The following MYO3B variants were observed in gnomAD, a reference collection of about 807,000 sequenced individuals.
The protein encoded by MYO3B is myosin IIIB, also known as myosin-IIIb.
A neutral mutation model predicts 174.6 loss-of-function variants in MYO3B; 156 were observed. That is an observed-to-expected ratio of 0.89 (90% confidence interval 0.78 to 1.02). MYO3B has a LOEUF of 1.02. Among genes scored for constraint, MYO3B ranks in the 50% least tolerant of loss-of-function variants. The pLI is 0.00. For missense variants in MYO3B, 1,632 were observed against 1,639.4 expected, an observed-to-expected ratio of 1.00 and a Z score of 0.08; for synonymous variants, 563 against 569.1, an observed-to-expected ratio of 0.99 and a Z score of 0.15.
At chr2:170,612,391 C>CT (rs1695178036) in intron 32 of MYO3B, among the ~76,000 whole-genome samples, 2 of 152,172 alleles carry the variant, frequency 1.3e-5, no homozygotes, top group Non-Finnish European at 2.9e-5. Flanking sequence ...CCTATGATTC[C>CT]TTTTTTTGTG....
In MYO3B at chr2:170,404,165, C is replaced by T; in HGVS notation, c.2278-82C>T. 3 of 1,402,680 alleles carry T rather than the reference C, an allele frequency of 2.1e-6. No individual in the cohort carries two copies. The South Asian group carries it at 4.3e-5, about 20-fold the overall frequency. The allele number at this position is 1,402,680 out of a possible 1,614,324, so 86.9% of individuals were successfully genotyped here. On this transcript the variant is annotated intron_variant, in intron 19 of 34. Transcript: ENST00000408978. ...TCCACATGCATTCAATGTTGCTAGA[C>T]CCAGAAAGTCCATGTCAAAGTATCC...
intron 32 of MYO3B, among the ~76,000 whole-genome samples, chr2:170,599,044 A>G (rs997001297): frequency 1.2e-4 from 18 of 152,208 alleles, no homozygotes; most frequent in African/African-American, 4.1e-4. Flanking sequence ...TGTTAGATAC[A>G]TACTTCTCAG....
intron 32 of MYO3B, among the ~76,000 whole-genome samples, chr2:170,615,378 G>A (rs373313644): frequency 6.6e-6 from 1 of 152,232 alleles, no homozygotes; most frequent in African/African-American, 2.4e-5. Context: ...CTACAAGTCA[G>A]GACGGAGGGA....
intron 6 of MYO3B, among the ~76,000 whole-genome samples, chr2:170,229,459 G>A (rs534322024): frequency 4.6e-5 from 7 of 152,316 alleles, no homozygotes; most frequent in African/African-American, 1.7e-4. Flanking sequence ...CTAGTAAGGT[G>A]AGAAATCAGA....
chr2:170,237,053 G>A (rs570326070), intron 7 of MYO3B, among the ~76,000 whole-genome samples: 1 of 152,192 alleles, frequency 6.6e-6, no homozygotes, highest in African/African-American at 2.4e-5. Flanking sequence ...ACCTAATCCA[G>A]ATGTGAACAA....
In MYO3B at chr2:170,200,299, T is replaced by A. The variant is rs372199890; in HGVS notation, c.321+15T>A. On this transcript the variant is annotated intron_variant, in intron 3 of 34. Coordinates refer to ENST00000408978, the MANE Select transcript of MYO3B (RefSeq NM_138995.5). Reference sequence around the variant, plus strand: ...TGGTCCTGGAGGTAAGAGGCTCCCATTGGGTAACCAGTGATTTGAACAGAG... The same window carrying A: ...TGGTCCTGGAGGTAAGAGGCTCCCAATGGGTAACCAGTGATTTGAACAGAG... 6.2e-6 allele frequency: 10 copies of A among 1,606,286 alleles called. No individual in the cohort carries two copies. Among genetic ancestry groups the A allele is most frequent in the Non-Finnish European group, 8.5e-6 (10 of 1,177,004 alleles).
intron 25 of MYO3B, among the ~76,000 whole-genome samples, chr2:170,480,988 C>G (rs1239038597): frequency 6.6e-6 from 1 of 152,190 alleles, no homozygotes; most frequent in Non-Finnish European, 1.5e-5. Context: ...CCACCATATT[C>G]CCTTATTAAG....
intron 7 of MYO3B, among the ~76,000 whole-genome samples, chr2:170,271,770 G>A (rs1200389041): frequency 6.6e-6 from 1 of 152,154 alleles, no homozygotes; most frequent in Non-Finnish European, 1.5e-5. Context: ...CCACAAACAA[G>A]CCAAATTTAC....
chr2:170,182,637 A>C (rs1301391456), intron 1 of MYO3B, among the ~76,000 whole-genome samples: 1 of 120,310 alleles, frequency 8.3e-6, no homozygotes, highest in Non-Finnish European at 1.7e-5. Flanking sequence ...TTTGAGACTG[A>C]GTTTCACTCC....
At chr2:170,437,036 T>A (rs1206400173) in intron 22 of MYO3B, among the ~76,000 whole-genome samples, 1 of 152,172 alleles carries the variant, frequency 6.6e-6, no homozygotes, top group African/African-American at 2.4e-5. Flanking sequence ...TCTTGTTGAA[T>A]CCCCATAATA....
chr2:170,587,115 C>T (rs1396626012), intron 32 of MYO3B, among the ~76,000 whole-genome samples: 1 of 152,168 alleles, frequency 6.6e-6, no homozygotes, highest in Non-Finnish European at 1.5e-5. Context: ...AACATCTGTG[C>T]TACCAGTTGT....
chr2:170,431,115 G>A lies in MYO3B; in HGVS notation c.2651-12852G>A, dbSNP rs1250355912. Among the ~76,000 whole-genome samples the A allele has an allele frequency of 2.1e-4, 32 of 152,118 alleles. 1 individual carries two copies. Among genetic ancestry groups the A allele is most frequent in the Admixed American group, 2.1e-3 (32 of 15,278 alleles). On this transcript the variant is annotated intron_variant, in intron 22 of 34. Coordinates refer to ENST00000408978, the MANE Select transcript of MYO3B (RefSeq NM_138995.5). ...TTTATTGTATTTTTAAATGGGTCAG[G>A]TCTTCTTGGGTAGATATTGGGTAGA... is the stretch of plus-strand genomic sequence containing the variant.
intron 7 of MYO3B, among the ~76,000 whole-genome samples, chr2:170,279,229 T>C (rs1407738227): frequency 3.9e-5 from 6 of 152,106 alleles, no homozygotes; most frequent in African/African-American, 7.2e-5. Flanking sequence ...TAATGGCTGT[T>C]CTAATTTACA....
At chr2:170,569,490 A>G (rs1406703162) in intron 32 of MYO3B, among the ~76,000 whole-genome samples, 1 of 151,442 alleles carries the variant, frequency 6.6e-6, no homozygotes, top group African/African-American at 2.4e-5. Flanking sequence ...TGTGAGAGGG[A>G]GAGACAGAAT....
intron 29 of MYO3B, among the ~76,000 whole-genome samples, chr2:170,517,635 G>T (rs994506076): frequency 2.0e-5 from 3 of 152,152 alleles, no homozygotes; most frequent in Non-Finnish European, 4.4e-5. Context: ...GCTGATTTGG[G>T]CCAGAGAACA....
rs1692878216 is a variant in MYO3B, at chr2:170,577,808, A to G, written c.3733+33820A>G. Among the ~76,000 whole-genome samples the G allele has an allele frequency of 2.0e-5, 3 of 152,246 alleles. No individual in the cohort carries two copies. The South Asian group carries it at 6.2e-4, about 32-fold the overall frequency. On this transcript the variant is annotated intron_variant, in intron 32 of 34. Coordinates refer to ENST00000408978, the MANE Select transcript of MYO3B (RefSeq NM_138995.5). ...CTGAGGAACTTCTGAAATGTGAACCAAAGCAGTCTTCCACTGCCCGGAGCT... is the reference window on the plus strand; with the variant it reads ...CTGAGGAACTTCTGAAATGTGAACCGAAGCAGTCTTCCACTGCCCGGAGCT...
chr2:170,601,572 G>A, intron 32 of MYO3B: 1 of 1,026,704 alleles, frequency 9.7e-7, no homozygotes, highest in Admixed American at 1.9e-5. Context: ...GGGGTTAAAT[G>A]CTTTATAGAC....
chr2:170,255,237 C>T (rs1487748743), intron 7 of MYO3B, among the ~76,000 whole-genome samples: 2 of 152,112 alleles, frequency 1.3e-5, no homozygotes, highest in African/African-American at 4.8e-5. Context: ...CCGCCAGGGT[C>T]CCTACTGGGG....
chr2:170,443,640 C>T (rs2094818829), intron 22 of MYO3B, among the ~76,000 whole-genome samples: 2 of 152,018 alleles, frequency 1.3e-5, no homozygotes, highest in East Asian at 3.8e-4. Flanking sequence ...ACATTTAAAT[C>T]TTTAATCCAT....
Sources: allele counts gnomAD v4.1 joint callset (sites outside exome capture counted in the v4.1 genomes callset), GRCh38; gene constraint gnomAD v4.1.1; transcripts MANE v1.5; gene names NCBI Gene and HGNC (gene_info 2026-07-23, HGNC 2026-07-21).